EPHB1: variants seen among roughly 807,000 people sequenced by gnomAD.
The protein encoded by EPHB1 is EPH receptor B1, also known as ephrin type-B receptor 1.
EPHB1 carries 30 observed loss-of-function variants against 94.4 expected under a neutral mutation model. The observed-to-expected ratio is 0.32, with a 90% confidence interval of 0.24 to 0.43. EPHB1 has a LOEUF of 0.43. EPHB1 is among the 20% of genes least tolerant of loss of function. The pLI is 1.00. For synonymous variants in EPHB1, 522 were observed against 489.1 expected, an observed-to-expected ratio of 1.07 and a Z score of -0.89; for missense variants, 1,055 against 1,308.3, an observed-to-expected ratio of 0.81 and a Z score of 2.99.
chr3:135,225,326 G>A (rs750791707), intron 12 of EPHB1, among the ~76,000 whole-genome samples: 9 of 152,174 alleles, frequency 5.9e-5, no homozygotes, highest in African/African-American at 1.7e-4. Flanking sequence ...AACAAGGCCC[G>A]ATGGGAAGGC....
rs960822725 is a variant in EPHB1 at position 134,842,608 on chromosome 3, G to A, written c.58+46919G>A. ...TCCTATTTCCTTAGCTTGGCTTTCC[G>A]TGGGCCTCCTTAGCTACCTACAACT... On this transcript the variant is annotated intron_variant, in intron 1 of 15. Transcript: ENST00000398015. Among the ~76,000 whole-genome samples, 16 of 152,156 alleles carry A rather than the reference G, an allele frequency of 1.1e-4. No individual in the cohort carries two copies. In the South Asian group the frequency reaches 1.2e-3, roughly 12 times the overall value.
At chr3:135,134,806 A>G (rs904562070) in intron 5 of EPHB1, among the ~76,000 whole-genome samples, 2 of 152,182 alleles carry the variant, frequency 1.3e-5, no homozygotes, top group African/African-American at 4.8e-5. Context: ...CCAGGCTGTC[A>G]TGTTACACTG....
chr3:135,245,318 T>C (rs1360036826), intron 13 of EPHB1, among the ~76,000 whole-genome samples: 5 of 152,172 alleles, frequency 3.3e-5, no homozygotes, highest in African/African-American at 1.2e-4. Context: ...TAATAAGAAA[T>C]GGAACTTGGA....
chr3:134,907,009 A>G (rs569712633), intron 1 of EPHB1, among the ~76,000 whole-genome samples: 3 of 152,240 alleles, frequency 2.0e-5, no homozygotes, highest in African/African-American at 7.2e-5. Flanking sequence ...GACAAGTGCT[A>G]TTTATAAAAG....
intron 5 of EPHB1, among the ~76,000 whole-genome samples, chr3:135,151,743 T>A (rs1321111295): frequency 6.6e-6 from 1 of 152,208 alleles, no homozygotes; most frequent in Non-Finnish European, 1.5e-5. Flanking sequence ...AAAAATACAC[T>A]TGACAGCTTA....
rs367850039 is a variant in EPHB1, at chr3:135,149,882, C to A, written c.1298-4270C>A. Among the ~76,000 whole-genome samples, 42 of 152,278 alleles carry A rather than the reference C, an allele frequency of 2.8e-4. No individual in the cohort carries two copies. The South Asian group carries it at 5.6e-3, about 20-fold the overall frequency. On this transcript the variant is annotated intron_variant, in intron 5 of 15. Transcript: ENST00000398015. ...CGAGTGCCGCTGACTGCTGGGGAGT[C>A]CATACCATGTGTAGTGACAGGAGCG...
intron 1 of EPHB1, among the ~76,000 whole-genome samples, chr3:134,896,465 T>C (rs2038089127): frequency 6.6e-6 from 1 of 152,208 alleles, no homozygotes; most frequent in South Asian, 2.1e-4. Flanking sequence ...CACCCAATAA[T>C]GGTTGCTCTT....
intron 1 of EPHB1, among the ~76,000 whole-genome samples, chr3:134,811,264 C>G (rs78578624): frequency 4.1e-5 from 1 of 24,664 alleles, no homozygotes; most frequent in African/African-American, 1.7e-4. Context: ...TTTTTTTTTT[C>G]TGTCTTGCTC....
intron 1 of EPHB1, among the ~76,000 whole-genome samples, chr3:134,886,472 G>T (rs1462766344): frequency 6.6e-6 from 1 of 152,084 alleles, no homozygotes; most frequent in Non-Finnish European, 1.5e-5. Context: ...AATCAAATTC[G>T]GAGATTATTT....
At chr3:134,935,667 G>T (rs569653614) in intron 2 of EPHB1, among the ~76,000 whole-genome samples, 1 of 152,236 alleles carries the variant, frequency 6.6e-6, no homozygotes, top group African/African-American at 2.4e-5. Context: ...TAGTACTAGT[G>T]GTAACAACGA....
chr3:134,832,318 C>A (rs1350819977), intron 1 of EPHB1, among the ~76,000 whole-genome samples: 2 of 152,146 alleles, frequency 1.3e-5, no homozygotes, highest in East Asian at 3.9e-4. Flanking sequence ...TGAGTGTAAC[C>A]AAAAGCCTCA....
intron 5 of EPHB1, among the ~76,000 whole-genome samples, chr3:135,143,701 T>A (rs1207686673): frequency 2.0e-5 from 3 of 152,136 alleles, no homozygotes; most frequent in African/African-American, 4.8e-5. Flanking sequence ...GACATGTGAG[T>A]ACCAATGGTT....
chr3:134,795,559 G>A lies in EPHB1; in HGVS notation c.-73G>A. On this transcript the variant is annotated 5_prime_UTR_variant, in exon 1 of 16. Coordinates refer to ENST00000398015, the MANE Select transcript of EPHB1 (RefSeq NM_004441.5). ...GAAGCCACCCGCGGAGAGCGCAGCG[G>A]CGCCCTGGGACGCGGCGCTCTCCCG... 5.5e-6 allele frequency: 8 copies of A among 1,443,958 alleles called. No individual in the cohort carries two copies. Among genetic ancestry groups the A allele is most frequent in the Admixed American group, 1.9e-5 (1 of 52,580 alleles). The allele number at this position is 1,443,958 out of a possible 1,614,324, so 89.4% of individuals were successfully genotyped here. A position where few individuals can be genotyped will look rare whatever the true frequency, so the allele number is the denominator to read the frequency against.
At chr3:134,917,157 G>A (rs971780320) in intron 1 of EPHB1, among the ~76,000 whole-genome samples, 1 of 152,188 alleles carries the variant, frequency 6.6e-6, no homozygotes, top group Non-Finnish European at 1.5e-5. Context: ...TAGGTCTAGA[G>A]GTCCCCTATA....
chr3:135,069,997 C>T (rs1418227905), intron 3 of EPHB1, among the ~76,000 whole-genome samples: 1 of 152,174 alleles, frequency 6.6e-6, no homozygotes, highest in Non-Finnish European at 1.5e-5. Context: ...TCTGGGAACA[C>T]ATAGCCTGAA....
intron 12 of EPHB1, among the ~76,000 whole-genome samples, chr3:135,206,622 G>T (rs551704852): frequency 6.6e-5 from 10 of 152,302 alleles, no homozygotes; most frequent in African/African-American, 2.4e-4. Flanking sequence ...GGCCGAGGTG[G>T]GTGGATCACC....
intron 12 of EPHB1, among the ~76,000 whole-genome samples, chr3:135,232,142 ACTT>A (rs1202804326): frequency 6.6e-6 from 1 of 152,182 alleles, no homozygotes; most frequent in Non-Finnish European, 1.5e-5. Flanking sequence ...TTAGGCAAAA[ACTT>A]CTTTTCCTTC....
intron 13 of EPHB1, among the ~76,000 whole-genome samples, chr3:135,247,894 T>A (rs1052905289): frequency 6.6e-6 from 1 of 152,206 alleles, no homozygotes. Flanking sequence ...TTTGAGGACA[T>A]CCTTTATAAA....
chr3:134,799,986 T>A (rs1455454902), intron 1 of EPHB1, among the ~76,000 whole-genome samples: 1 of 152,200 alleles, frequency 6.6e-6, no homozygotes, highest in Non-Finnish European at 1.5e-5. Flanking sequence ...TACATGTTCT[T>A]TAGTTGCTTG....
Sources: gnomAD v4.1 joint callset for allele counts (sites outside exome capture counted in the v4.1 genomes callset) on GRCh38, gnomAD v4.1.1 for gene constraint, MANE v1.5 for transcripts, NCBI Gene and HGNC (gene_info 2026-07-23, HGNC 2026-07-21) for gene names.